Variants in PKP1 observed in about 807,000 individuals in gnomAD.
PKP1 encodes plakophilin-1.
Under a neutral mutation model 76.4 loss-of-function variants are expected in PKP1, and 27 were observed. The observed-to-expected ratio is 0.35, with a 90% confidence interval of 0.26 to 0.49. PKP1 has a LOEUF of 0.49. PKP1 is among the 20% of genes least tolerant of loss of function. The probability of loss-of-function intolerance (pLI) is 0.99; values close to 1 mark genes in which losing one functional copy is unlikely to be tolerated. For missense variants in PKP1, 964 were observed against 955.2 expected, an observed-to-expected ratio of 1.01 and a Z score of -0.12; for synonymous variants, 404 against 384.2, an observed-to-expected ratio of 1.05 and a Z score of -0.60.
chr1:201,313,331 G>A lies in PKP1; in HGVS notation c.472G>A (p.Asp158Asn), dbSNP rs764983461. 5.3e-5 allele frequency: 85 copies of A among 1,591,136 alleles called. No homozygotes were observed. Among genetic ancestry groups the A allele is most frequent in the Admixed American group, 1.2e-4 (7 of 56,408 alleles). ...AATCAAGGCGAGCCGCAGTGAGCCC[G>A]ACCTCTACTGTGACCCACGGGGCAC... ...QKIKASRSEP[D>N]LYCDPRGTLR... The change falls in exon 3 of 14, where the codon GAC (aspartate) becomes AAC (asparagine). Residue 158 changes from aspartate (D) to asparagine (N), a missense_variant. Physicochemically the swap from Asp to Asn is conservative, Grantham distance 23. Coordinates refer to ENST00000367324, the MANE Select transcript of PKP1 (RefSeq NM_001005337.3).
chr1:201,299,187 A>G (rs895381537), intron 2 of PKP1, among the ~76,000 whole-genome samples: 3 of 152,230 alleles, frequency 2.0e-5, no homozygotes, highest in African/African-American at 7.2e-5. Context: ...TGGAGGAATA[A>G]GCCCTGGACT....
intron 5 of PKP1, among the ~76,000 whole-genome samples, chr1:201,318,296 C>T (rs1108494): frequency 0.12 from 19,005 of 152,204 alleles, 1,460 homozygotes; most frequent in African/African-American, 0.21. Context: ...AAAGAGACAG[C>T]GTTAGAAGAC....
intron 9 of PKP1, among the ~76,000 whole-genome samples, chr1:201,324,102 C>T (rs962545155): frequency 6.6e-6 from 1 of 152,124 alleles, no homozygotes; most frequent in Non-Finnish European, 1.5e-5. Flanking sequence ...ATGGGGGCAG[C>T]GCTGAGACAG....
rs1482199831 is a variant in PKP1, at chr1:201,293,967, C to T, written c.228C>T (p.Asp76=). Reference sequence around the variant, plus strand: ...GTTCCATGTATGATGGCTTGGCTGACAATTACAACTATGGGACCACCAGCA... The same window carrying T: ...GTTCCATGTATGATGGCTTGGCTGATAATTACAACTATGGGACCACCAGCA... ...NRGSMYDGLA[D]NYNYGTTSRS... The change falls in exon 2 of 14, where the codon GAC becomes GAT. Residue 76 remains aspartate, a synonymous_variant. Transcript: ENST00000367324. 6.2e-6 allele frequency: 10 copies of T among 1,613,480 alleles called. No homozygotes were observed. The highest frequency in any genetic ancestry group is 8.5e-6 in the Non-Finnish European group (10 of 1,179,660).
At position 201,320,278 on chromosome 1, in the gene PKP1, C is replaced by G; in HGVS notation, c.1244C>G (p.Ser415Trp). The G allele has an allele frequency of 6.2e-7, 1 of 1,612,580 alleles. No homozygotes were observed. The highest frequency in any genetic ancestry group is 8.5e-7 in the Non-Finnish European group (1 of 1,178,686). ...NATGCLRNLSSADAGRQTMRN... is the reference protein window; with the variant it reads ...NATGCLRNLSWADAGRQTMRN... ...CTTCTCTCCCCCAGGAACCTGAGCT[C>G]GGCCGATGCAGGCCGCCAGACCATG... Residue 415 changes from serine to tryptophan, a missense_variant, in exon 7 of 14, where the codon TCG (serine) becomes TGG (tryptophan). Ser to Trp is a radical substitution (Grantham distance 177, BLOSUM62 -3). Transcript: ENST00000367324.
At chr1:201,298,575 G>A (rs1283694102) in intron 2 of PKP1, among the ~76,000 whole-genome samples, 1 of 152,172 alleles carries the variant, frequency 6.6e-6, no homozygotes, top group Non-Finnish European at 1.5e-5. Flanking sequence ...CATCATCAGA[G>A]GGAGGTCTGG....
At chr1:201,292,091 C>A (rs900819685) in intron 1 of PKP1, among the ~76,000 whole-genome samples, 4 of 152,154 alleles carry the variant, frequency 2.6e-5, no homozygotes, top group Admixed American at 6.5e-5. Context: ...CAGGGCTAGG[C>A]CTGGAGTATA....
intron 1 of PKP1, among the ~76,000 whole-genome samples, chr1:201,291,438 G>A (rs1423078495): frequency 6.6e-6 from 1 of 152,214 alleles, no homozygotes; most frequent in Non-Finnish European, 1.5e-5. Flanking sequence ...ATGGCAGAGA[G>A]GCCTCTACCT....
At chr1:201,292,279 T>C (rs1477171018) in intron 1 of PKP1, among the ~76,000 whole-genome samples, 4 of 152,144 alleles carry the variant, frequency 2.6e-5, no homozygotes, top group African/African-American at 9.7e-5. Context: ...AGTGGAACTG[T>C]ACGGGGCCTA....
intron 3 of PKP1, 24 bp from the exon 4 acceptor site, chr1:201,316,529 A>AC: frequency 1.9e-6 from 3 of 1,588,066 alleles, no homozygotes; most frequent in Non-Finnish European, 2.6e-6. Flanking sequence ...CCCCGTAACC[A>AC]CCCCCACTGC....
intron 1 of PKP1, among the ~76,000 whole-genome samples, chr1:201,285,500 C>T (rs1655707512): frequency 6.6e-6 from 1 of 152,176 alleles, no homozygotes; most frequent in Non-Finnish European, 1.5e-5. Flanking sequence ...GCCTCCTTCC[C>T]TTTTATTTGG....
chr1:201,331,930 C>T lies in PKP1; in HGVS notation c.*1889C>T, dbSNP rs1657336767. The T allele has an allele frequency of 6.6e-6, 1 of 152,360 alleles. No individual in the cohort carries two copies. The highest frequency in any genetic ancestry group is 2.4e-5 in the African/African-American group (1 of 41,458). The allele number at this position is 152,360 out of a possible 1,614,324, so 9.4% of individuals were successfully genotyped here. A position where few individuals can be genotyped will look rare whatever the true frequency, so the allele number is the denominator to read the frequency against. ...CCTGGGCATAGGTTTCAGGGGCCTC[C>T]TTTGTTGTCATCAGAACCCAGAGGA... On this transcript the variant is annotated 3_prime_UTR_variant, in exon 14 of 14. Coordinates refer to ENST00000367324, the MANE Select transcript of PKP1 (RefSeq NM_001005337.3).
At chr1:201,319,942 T>A in intron 6 of PKP1, 1 of 1,543,450 alleles carries the variant, frequency 6.5e-7, no homozygotes, top group South Asian at 1.1e-5. Context: ...AGTTATAAAG[T>A]TACTGGGCAG....
At chr1:201,283,961 G>GCACCC in intron 1 of PKP1, 57 bp downstream of exon 1, 1 of 1,505,520 alleles carries the variant, frequency 6.6e-7, no homozygotes, top group Non-Finnish European at 9.2e-7. Flanking sequence ...CCCTGGCCCA[G>GCACCC]TGGCGGGGAC....
intron 1 of PKP1, among the ~76,000 whole-genome samples, chr1:201,288,279 C>T (rs977746118): frequency 5.9e-5 from 9 of 152,228 alleles, no homozygotes; most frequent in African/African-American, 2.2e-4. Context: ...TTTGCCCAGA[C>T]CGCCAGCAGC....
chr1:201,322,210 C>G (rs1459074442), intron 8 of PKP1, 77 bp downstream of exon 8: 3 of 1,500,956 alleles, frequency 2.0e-6, no homozygotes, highest in Non-Finnish European at 2.7e-6. Flanking sequence ...CTGCCCTTTC[C>G]TCTGGGCCCT....
chr1:201,305,420 G>T (rs1656344230), intron 2 of PKP1, among the ~76,000 whole-genome samples: 1 of 152,212 alleles, frequency 6.6e-6, no homozygotes, highest in African/African-American at 2.4e-5. Context: ...GAGAGGCTGA[G>T]GTGGAAGGAT....
In PKP1 at chr1:201,330,772, G is replaced by A. The variant is rs3795629; in HGVS notation, c.*731G>A. On this transcript the variant is annotated 3_prime_UTR_variant, in exon 14 of 14. Coordinates refer to ENST00000367324, the MANE Select transcript of PKP1 (RefSeq NM_001005337.3). ...CAAGGACTGAGGTTGGGTAGGTGTGGGGTTCCAGAGGACAGCAGGACACTC... is the reference window on the plus strand; with the variant it reads ...CAAGGACTGAGGTTGGGTAGGTGTGAGGTTCCAGAGGACAGCAGGACACTC... The A allele has an allele frequency of 0.64, 97,081 of 152,164 alleles. 34,888 individuals are homozygous for A. Among genetic ancestry groups the A allele is most frequent in the East Asian group, 0.87 (4,465 of 5,144 alleles). 9.4% of individuals were successfully genotyped at this position (152,164 alleles called of 1,614,324 possible).
intron 2 of PKP1, among the ~76,000 whole-genome samples, chr1:201,300,825 T>C (rs1656207564): frequency 6.6e-6 from 1 of 152,128 alleles, no homozygotes; most frequent in Non-Finnish European, 1.5e-5. Context: ...GTGCAGGAAG[T>C]CGGGATCGGC....
Sources: allele counts gnomAD v4.1 joint callset (sites outside exome capture counted in the v4.1 genomes callset), GRCh38; gene constraint gnomAD v4.1.1; transcripts MANE v1.5; gene names NCBI Gene and HGNC (gene_info 2026-07-23, HGNC 2026-07-21).